KLHL29: variants seen among roughly 807,000 people sequenced by gnomAD.
KLHL29 encodes the protein kelch like family member 29.
In KLHL29, 21 loss-of-function variants were observed where a neutral mutation model predicts 80.4. That is an observed-to-expected ratio of 0.26 (90% confidence interval 0.19 to 0.38). KLHL29 has a LOEUF of 0.38. KLHL29 is among the 10% of genes least tolerant of loss of function. KLHL29 has a pLI of 1.00. For synonymous variants in KLHL29, 511 were observed against 526.8 expected (o/e 0.97, Z 0.41); for missense variants, 867 against 1,223.9 (o/e 0.71, Z 4.35).
At chr2:23,483,804 C>T (rs1664859717) in intron 2 of KLHL29, among the ~76,000 whole-genome samples, 1 of 152,168 alleles carries the variant, frequency 6.6e-6, no homozygotes, top group African/African-American at 2.4e-5. Context: ...TCAGGCAGAG[C>T]AGAAACTAGA....
intron 1 of KLHL29, among the ~76,000 whole-genome samples, chr2:23,470,340 C>T (rs1013153065): frequency 1.1e-4 from 16 of 152,060 alleles, no homozygotes; most frequent in African/African-American, 3.1e-4. Flanking sequence ...GGAGTTTTCA[C>T]GAGGAGAAGG....
At chr2:23,611,884 C>A (rs1404417613) in intron 3 of KLHL29, among the ~76,000 whole-genome samples, 144 of 127,612 alleles carry the variant, frequency 1.1e-3, no homozygotes, top group East Asian at 1.7e-3. Context: ...CAGATGCAAC[C>A]AAAAAAAAAA....
chr2:23,385,912 C>A, intron 1 of KLHL29, 132 bp downstream of exon 1: 1 of 81,894 alleles, frequency 1.2e-5, no homozygotes, highest in South Asian at 4.2e-4. Context: ...GGCTCGGCTT[C>A]GGCGGCGGCG....
At chr2:23,573,952 G>A (rs1276006023) in intron 3 of KLHL29, among the ~76,000 whole-genome samples, 1 of 152,136 alleles carries the variant, frequency 6.6e-6, no homozygotes, top group African/African-American at 2.4e-5. Flanking sequence ...CGGCCATCAG[G>A]ACCATCTGCA....
In KLHL29 at chr2:23,647,777, C is replaced by G. The variant is rs901321060; in HGVS notation, c.940+4927C>G. Among the ~76,000 whole-genome samples, 9 of 152,084 alleles carry G rather than the reference C, an allele frequency of 5.9e-5. No individual in the cohort carries two copies. Among genetic ancestry groups the G allele is most frequent in the African/African-American group, 1.7e-4 (7 of 41,398 alleles). On this transcript the variant is annotated intron_variant, in intron 5 of 13. Coordinates refer to ENST00000486442, the MANE Select transcript of KLHL29 (RefSeq NM_052920.2). This position sits in a 1 kb window ranked among gnomAD's most constrained non-coding sequence, Gnocchi z 4.9. The stretch of plus-strand genomic sequence containing the variant: ...CTTTGCTGTTCTGCTTGCAGGCTGC[C>G]CCGTAACCACCCCAGGCCTTGGCTC...
At chr2:23,653,339 G>A (rs970396892) in intron 5 of KLHL29, among the ~76,000 whole-genome samples, 4 of 152,218 alleles carry the variant, frequency 2.6e-5, no homozygotes, top group South Asian at 2.1e-4. Context: ...GCTAGGAGTT[G>A]TCCATCTGAG....
chr2:23,528,865 C>T (rs889435769), intron 2 of KLHL29, among the ~76,000 whole-genome samples: 9 of 152,220 alleles, frequency 5.9e-5, no homozygotes, highest in African/African-American at 1.2e-4. Flanking sequence ...GCCACCCTGG[C>T]GGTGCTGCCG....
intron 1 of KLHL29, among the ~76,000 whole-genome samples, chr2:23,436,984 A>G (rs1305323357): frequency 2.0e-5 from 3 of 152,190 alleles, no homozygotes; most frequent in African/African-American, 7.2e-5. Flanking sequence ...ACAAATTCCC[A>G]CACACCAGAA....
chr2:23,506,606 C>G (rs1344474724), intron 2 of KLHL29, among the ~76,000 whole-genome samples: 3 of 152,198 alleles, frequency 2.0e-5, no homozygotes, highest in Non-Finnish European at 4.4e-5. Flanking sequence ...CTCTTTGTGG[C>G]TGCTGAAATC....
At chr2:23,672,002 TGACTGG>T (rs2149177193) in intron 5 of KLHL29, 1 of 152,436 alleles carries the variant, frequency 6.6e-6, no homozygotes, top group South Asian at 2.1e-4. Flanking sequence ...TCCCAGGCCC[TGACTGG>T]GACAGACACA....
chr2:23,707,349 T>G lies in KLHL29; in HGVS notation c.*685T>G, dbSNP rs1291742138. 6.6e-6 allele frequency: 1 copy of G among 152,228 alleles called. No individual in the cohort carries two copies. The highest frequency in any genetic ancestry group is 2.4e-5 in the African/African-American group (1 of 41,446). 9.4% of individuals were successfully genotyped at this position (152,228 alleles called of 1,614,324 possible). Reference sequence around the variant, plus strand: ...ATTGCGCTAGCTTTCTCTTACCCGGTATGAATTATTTAGATTTCTGAGGCA... The same window carrying G: ...ATTGCGCTAGCTTTCTCTTACCCGGGATGAATTATTTAGATTTCTGAGGCA... On this transcript the variant is annotated 3_prime_UTR_variant, in exon 14 of 14. Coordinates refer to ENST00000486442, the MANE Select transcript of KLHL29 (RefSeq NM_052920.2).
intron 2 of KLHL29, among the ~76,000 whole-genome samples, chr2:23,543,231 A>C (rs1410492267): frequency 1.3e-5 from 2 of 152,182 alleles, no homozygotes; most frequent in Non-Finnish European, 2.9e-5. Context: ...CATTCTGCAC[A>C]TGTCGGCAAG....
chr2:23,552,059 C>T (rs1272442126), intron 2 of KLHL29, among the ~76,000 whole-genome samples: 1 of 152,248 alleles, frequency 6.6e-6, no homozygotes, highest in African/African-American at 2.4e-5. Context: ...GTGGTTAGGG[C>T]ACTTCCCAGA....
chr2:23,627,463 C>T (rs1669344545), intron 3 of KLHL29, among the ~76,000 whole-genome samples: 1 of 152,234 alleles, frequency 6.6e-6, no homozygotes, highest in African/African-American at 2.4e-5. Flanking sequence ...CATTTCTGCC[C>T]AGCTCTGACC....
chr2:23,687,378 G>A (rs1213724693), intron 6 of KLHL29, among the ~76,000 whole-genome samples: 2 of 152,204 alleles, frequency 1.3e-5, no homozygotes, highest in African/African-American at 4.8e-5. Context: ...CCCCAGGGAG[G>A]ACAATGACCC....
intron 5 of KLHL29, chr2:23,667,076 C>G (rs1193563338): frequency 6.6e-6 from 1 of 152,204 alleles, no homozygotes; most frequent in East Asian, 1.9e-4. Context: ...GATGTCTGTT[C>G]TGGGAGGTCG....
chr2:23,398,642 G>C (rs1355938344), intron 1 of KLHL29, among the ~76,000 whole-genome samples: 1 of 152,246 alleles, frequency 6.6e-6, no homozygotes, highest in East Asian at 1.9e-4. Context: ...CGACATCGCT[G>C]TCGATAGTGA....
chr2:23,626,091 T>C (rs1298728463), intron 3 of KLHL29, among the ~76,000 whole-genome samples: 1 of 151,186 alleles, frequency 6.6e-6, no homozygotes, highest in Non-Finnish European at 1.5e-5. Context: ...TGCATGGGGG[T>C]AGGAGGAGTT....
At chr2:23,493,644 AGT>A (rs899867265) in intron 2 of KLHL29, among the ~76,000 whole-genome samples, 3 of 151,210 alleles carry the variant, frequency 2.0e-5, no homozygotes, top group African/African-American at 4.9e-5. Context: ...TGTGTGTGTG[AGT>A]GTGTGTGTGT....
Sources: gnomAD v4.1 joint callset for allele counts (sites outside exome capture counted in the v4.1 genomes callset) on GRCh38, gnomAD v4.1.1 for gene constraint, Gnocchi (gnomAD v3.1) non-coding constraint, MANE v1.5 for transcripts, NCBI Gene and HGNC (gene_info 2026-07-23, HGNC 2026-07-21) for gene names.